FRMPD4: variants seen among roughly 807,000 people sequenced by gnomAD.
FRMPD4 encodes the protein FERM and PDZ domain-containing protein 4.
Under a neutral mutation model 94.1 loss-of-function variants are expected in FRMPD4, and 22 were observed. The observed-to-expected ratio is 0.23, with a 90% CI of 0.17 to 0.33. FRMPD4 has a LOEUF of 0.33. Ranked by LOEUF, FRMPD4 falls within the 10% of genes least tolerant of loss-of-function variation. FRMPD4 has a pLI of 1.00. For synonymous variants in FRMPD4, 631 were observed against 548.6 expected, an observed-to-expected ratio of 1.15 and a Z score of -2.10; for missense variants, 1,111 against 1,339.9, an observed-to-expected ratio of 0.83 and a Z score of 2.67.
intron 3 of FRMPD4, among the ~76,000 whole-genome samples, chrX:12,115,507 CT>C (rs371285091): frequency 3.8e-3 from 424 of 111,366 alleles, no homozygotes; most frequent in African/African-American, 0.013. Context: ...TCTACCATTC[CT>C]TCAGTATTGC....
At chrX:12,205,562 C>T (rs1465697656) in intron 1 of FRMPD4, among the ~76,000 whole-genome samples, 1 of 111,580 alleles carries the variant, frequency 9.0e-6, no homozygotes, top group Admixed American at 9.5e-5. Flanking sequence ...TAGTTTGATT[C>T]TTTCTGTATA....
chrX:12,346,291 T>A (rs1221771907), intron 1 of FRMPD4, among the ~76,000 whole-genome samples: 6 of 103,052 alleles, frequency 5.8e-5, no homozygotes, highest in African/African-American at 1.5e-4. Context: ...AAAAAAAAAA[T>A]AGGTTGCATT....
At chrX:12,434,674 G>A (rs2057044960) in intron 1 of FRMPD4, among the ~76,000 whole-genome samples, 1 of 112,166 alleles carries the variant, frequency 8.9e-6, no homozygotes, top group Non-Finnish European at 1.9e-5. Context: ...AGGCAGGAAT[G>A]ATGGGAGGGA....
Position 12,277,670 on chromosome X carries a change from T to G in FRMPD4, c.41+138658T>G, listed in dbSNP as rs143298613. 2.7e-5 allele frequency among the ~76,000 whole-genome samples: 3 copies of G among 112,133 alleles called. No homozygotes were observed. The East Asian group carries it at 8.4e-4, about 31-fold the overall frequency. On this transcript the variant is annotated intron_variant, in intron 1 of 16. Coordinates refer to ENST00000675598, the MANE Select transcript of FRMPD4 (RefSeq NM_001368397.1). ...AGAGTACCCTTCTAGGACCTGCTGT[T>G]TTCGAGTGCCTTTACCTTAAAATAA...
chrX:12,662,266 T>C (rs2148488138), intron 4 of FRMPD4, among the ~76,000 whole-genome samples: 1 of 110,697 alleles, frequency 9.0e-6, no homozygotes, highest in Admixed American at 9.6e-5. Context: ...GTTTGTTACA[T>C]AGGTATACAC....
intron 3 of FRMPD4, among the ~76,000 whole-genome samples, chrX:11,951,294 A>G (rs747625616): frequency 9.0e-6 from 1 of 111,161 alleles, no homozygotes; most frequent in Admixed American, 9.6e-5. Context: ...ATGCACATGT[A>G]TGTTCGTCAC....
At chrX:12,035,571 A>G (rs1284131262) in intron 3 of FRMPD4, among the ~76,000 whole-genome samples, 1 of 112,123 alleles carries the variant, frequency 8.9e-6, no homozygotes, top group South Asian at 3.7e-4. Context: ...ATGGAACTAA[A>G]TCATTGGAGC....
intron 3 of FRMPD4, among the ~76,000 whole-genome samples, chrX:12,011,439 C>A (rs753244285): frequency 1.8e-5 from 2 of 112,182 alleles, no homozygotes; most frequent in African/African-American, 6.5e-5. Flanking sequence ...ATCATACTAG[C>A]CACATTTCAA....
At chrX:12,205,446 A>G (rs2056681417) in intron 1 of FRMPD4, among the ~76,000 whole-genome samples, 1 of 112,282 alleles carries the variant, frequency 8.9e-6, no homozygotes, top group South Asian at 3.7e-4. Context: ...GAGGATTCTT[A>G]TTTTTATCTG....
At position 12,138,479 on chromosome X, in the gene FRMPD4, A is replaced by G; in HGVS notation, c.-493A>G. The G allele has an allele frequency of 6.5e-6, 1 of 152,944 alleles. No individual in the cohort carries two copies. The allele number at this position is 152,944 out of a possible 1,213,427, so 12.6% of individuals were successfully genotyped here. On this transcript the variant is annotated 5_prime_UTR_variant, in exon 1 of 17. Coordinates refer to ENST00000675598, the MANE Select transcript of FRMPD4 (RefSeq NM_001368397.1). ...GAGAAGGAGGCAGGGAGGCAGCTGC[A>G]GTGCTGCGAGGGGTGCGTGCGCGTG...
chrX:12,200,524 G>A lies in FRMPD4; in HGVS notation c.41+61512G>A, dbSNP rs188465794. On this transcript the variant is annotated intron_variant, in intron 1 of 16. Coordinates refer to ENST00000675598, the MANE Select transcript of FRMPD4 (RefSeq NM_001368397.1). ...AATTTTTATTATTTTTGCAGAGGTG[G>A]GGTCTCACCATATTGCCCAGGCTGG... Among the ~76,000 whole-genome samples, 67 of 110,296 alleles carry A rather than the reference G, an allele frequency of 6.1e-4. 1 individual carries two copies. The highest frequency in any genetic ancestry group is 2.2e-3 in the African/African-American group (67 of 30,323).
intron 5 of FRMPD4, among the ~76,000 whole-genome samples, chrX:12,679,534 G>A (rs1258115313): frequency 8.9e-6 from 1 of 111,847 alleles, no homozygotes; most frequent in Non-Finnish European, 1.9e-5. Flanking sequence ...TCAGGGGAGG[G>A]TGGGAAAGAG....
chrX:12,009,615 G>A (rs1281124682), intron 3 of FRMPD4, among the ~76,000 whole-genome samples: 3 of 112,277 alleles, frequency 2.7e-5, no homozygotes, highest in Non-Finnish European at 3.8e-5. Flanking sequence ...CTTGGCCTGG[G>A]TAGACTGAAT....
At chrX:11,899,554 A>G in intron 3 of FRMPD4, among the ~76,000 whole-genome samples, 1 of 111,836 alleles carries the variant, frequency 8.9e-6, no homozygotes, top group Non-Finnish European at 1.9e-5. Flanking sequence ...TTATTTAGCC[A>G]TAGACGCTGA....
intron 3 of FRMPD4, among the ~76,000 whole-genome samples, chrX:12,039,200 A>C (rs895245838): frequency 9.3e-6 from 1 of 107,122 alleles, no homozygotes; most frequent in African/African-American, 3.4e-5. Flanking sequence ...TTTTGCATTT[A>C]ATTTATTTAT....
At chrX:12,359,042 A>G (rs1305486436) in intron 1 of FRMPD4, among the ~76,000 whole-genome samples, 3 of 112,139 alleles carry the variant, frequency 2.7e-5, no homozygotes, top group African/African-American at 9.7e-5. Context: ...GCTGGAAGCT[A>G]TCATCAATGC....
intron 3 of FRMPD4, among the ~76,000 whole-genome samples, chrX:12,110,576 C>T (rs774986579): frequency 9.0e-6 from 1 of 111,079 alleles, no homozygotes; most frequent in Non-Finnish European, 1.9e-5. Context: ...CCAGGGCAAT[C>T]AGGCAGGAGA....
intron 1 of FRMPD4, among the ~76,000 whole-genome samples, chrX:12,473,781 T>G (rs1421012731): frequency 4.5e-5 from 5 of 110,408 alleles, no homozygotes; most frequent in Admixed American, 1.9e-4. Flanking sequence ...TAAATATATA[T>G]GCACCCAATA....
chrX:12,713,403 G>A (rs954310313), intron 14 of FRMPD4, among the ~76,000 whole-genome samples: 4 of 110,625 alleles, frequency 3.6e-5, no homozygotes, highest in African/African-American at 1.3e-4. Flanking sequence ...GGAAAGAATG[G>A]GACTTCAGCC....
Sources: gnomAD v4.1 joint callset for allele counts (sites outside exome capture counted in the v4.1 genomes callset) on GRCh38, gnomAD v4.1.1 for gene constraint, MANE v1.5 for transcripts, NCBI Gene and HGNC (gene_info 2026-07-23, HGNC 2026-07-21) for gene names.